The following SHC4 variants were observed in gnomAD, a reference collection of about 807,000 sequenced individuals.
The protein encoded by SHC4 is SHC adaptor protein 4.
In SHC4, 41 loss-of-function variants were observed where a neutral mutation model predicts 69.4. The ratio of observed to expected loss-of-function variants is 0.59; its 90% CI spans 0.46 to 0.77. The LOEUF (loss-of-function observed/expected upper bound fraction) is 0.77, where lower values mean the gene tolerates loss of function less well. Among genes scored for constraint, SHC4 ranks in the 30% least tolerant of loss-of-function variants. The pLI is 0.00. For missense variants in SHC4, 777 were observed against 783.8 expected, an observed-to-expected ratio of 0.99 and a Z score of 0.10; for synonymous variants, 318 against 299.3, an observed-to-expected ratio of 1.06 and a Z score of -0.64.
chr15:48,840,249 C>T (rs1011498247), intron 10 of SHC4, among the ~76,000 whole-genome samples: 8 of 152,062 alleles, frequency 5.3e-5, no homozygotes, highest in East Asian at 1.9e-4. Context: ...GGCGGGGTGG[C>T]GGGGGCAGTA....
At chr15:48,875,787 G>C (rs1026487656) in intron 4 of SHC4, among the ~76,000 whole-genome samples, 2 of 152,176 alleles carry the variant, frequency 1.3e-5, no homozygotes, top group Admixed American at 6.5e-5. Context: ...CACTACTCAG[G>C]TCAAAGAGGT....
intron 1 of SHC4, among the ~76,000 whole-genome samples, chr15:48,945,204 A>C (rs1426691784): frequency 1.3e-5 from 2 of 152,220 alleles, no homozygotes; most frequent in African/African-American, 2.4e-5. Flanking sequence ...AAATCTGATA[A>C]AGTATAAAAA....
intron 1 of SHC4, among the ~76,000 whole-genome samples, chr15:48,954,218 A>G (rs1595769225): frequency 6.6e-6 from 1 of 151,872 alleles, no homozygotes; most frequent in South Asian, 2.1e-4. Flanking sequence ...AGTAGCATTC[A>G]CCTCCCCTCC....
At chr15:48,852,233 C>T (rs1014189368) in intron 8 of SHC4, among the ~76,000 whole-genome samples, 2 of 152,020 alleles carry the variant, frequency 1.3e-5, no homozygotes, top group African/African-American at 2.4e-5. Flanking sequence ...AAGATAAAGG[C>T]CAAGGGTAGA....
At chr15:48,933,235 A>G (rs1901004432) in intron 1 of SHC4, among the ~76,000 whole-genome samples, 1 of 152,220 alleles carries the variant, frequency 6.6e-6, no homozygotes. Context: ...GAGGTCAGAA[A>G]TCAGACTTTA....
At chr15:48,908,754 C>T (rs1423965182) in intron 2 of SHC4, among the ~76,000 whole-genome samples, 2 of 152,206 alleles carry the variant, frequency 1.3e-5, no homozygotes, top group Non-Finnish European at 1.5e-5. Flanking sequence ...GATCCAGTTT[C>T]ATTCTCCTAC....
At chr15:48,878,619 A>G (rs771914211) in intron 4 of SHC4, 1 of 1,613,972 alleles carries the variant, frequency 6.2e-7, no homozygotes, top group Non-Finnish European at 8.5e-7. Flanking sequence ...GGCGGGTTTC[A>G]GATGCATTAT....
chr15:48,855,911 G>A (rs749408835), intron 8 of SHC4, 42 bp downstream of exon 8: 7 of 1,570,798 alleles, frequency 4.5e-6, no homozygotes, highest in Middle Eastern at 1.7e-4. Context: ...GATAAGGGCA[G>A]AATTGCATTG....
At chr15:48,833,468 G>C (rs1898842913) in intron 11 of SHC4, among the ~76,000 whole-genome samples, 1 of 152,138 alleles carries the variant, frequency 6.6e-6, no homozygotes, top group South Asian at 2.1e-4. Flanking sequence ...TGGTTTATCA[G>C]GTATCCCTCC....
In SHC4 at chr15:48,895,564, G is replaced by T. The variant is rs548730746; in HGVS notation, c.657-4753C>A. On this transcript the variant is annotated intron_variant, in intron 2 of 11. Coordinates refer to ENST00000332408, the MANE Select transcript of SHC4 (RefSeq NM_203349.4). The stretch of plus-strand genomic sequence containing the variant: ...ACTCGGATGCCCCTGCCCTTCCCCA[G>T]CCCTCTGCTGTCTATGGCTGGCTGC... 2.0e-5 allele frequency among the ~76,000 whole-genome samples: 3 copies of T among 152,204 alleles called. No individual in the cohort carries two copies. In the East Asian group the frequency reaches 5.9e-4, roughly 30 times the overall value.
rs144739812 is a variant in SHC4, at chr15:48,856,113, T to C, written c.1082A>G (p.His361Arg). ...TCTCTCCTCGGCATGGCTATCAATATGCACCTCCTCACTGTGAAGGAAAAA... is the reference window on the plus strand; with the variant it reads ...TCTCTCCTCGGCATGGCTATCAATACGCACCTCCTCACTGTGAAGGAAAAA... Reference protein sequence around the residue: ...LNTSCESEEVHIDSHAEERED... With the variant: ...LNTSCESEEVRIDSHAEERED... Residue 361 changes from histidine to arginine, a missense_variant, in exon 8 of 12, where the codon CAT (histidine) becomes CGT (arginine). Coordinates refer to ENST00000332408, the MANE Select transcript of SHC4 (RefSeq NM_203349.4). 2.3e-4 allele frequency: 363 copies of C among 1,613,204 alleles called. 1 individual carries two copies. The African/African-American group carries it at 4.3e-3, about 19-fold the overall frequency.
intron 4 of SHC4, among the ~76,000 whole-genome samples, chr15:48,882,124 T>A (rs1219883696): frequency 6.6e-6 from 1 of 152,206 alleles, no homozygotes; most frequent in Non-Finnish European, 1.5e-5. Flanking sequence ...CCTTTTCTTG[T>A]GCTGTATCCA....
At position 48,916,559 on chromosome 15, in the gene SHC4, C is replaced by CAAAA. The variant is rs35709723; in HGVS notation, c.656+8316_656+8319dup. Reference sequence around the variant, plus strand: ...CTCCTTACTGTCTATAGCATCAGTTCAAAAAAAAAAAAAAACACTACTCAG... The same window carrying CAAAA: ...CTCCTTACTGTCTATAGCATCAGTTCAAAAAAAAAAAAAAAAAAACACTACTCAG... On this transcript the variant is annotated intron_variant, in intron 2 of 11. Coordinates refer to ENST00000332408, the MANE Select transcript of SHC4 (RefSeq NM_203349.4). Among the ~76,000 whole-genome samples, 14 of 136,862 alleles carry CAAAA rather than the reference C, an allele frequency of 1.0e-4. No homozygotes were observed. In the East Asian group the frequency reaches 1.3e-3, roughly 12 times the overall value. 89.8% of individuals were successfully genotyped at this position (136,862 alleles called of 152,430 possible).
At position 48,843,576 on chromosome 15, in the gene SHC4, G is replaced by A. The variant is rs2140973457; in HGVS notation, c.1316C>T (p.Pro439Leu). 6.2e-7 allele frequency: 1 copy of A among 1,613,814 alleles called. No homozygotes were observed. Among genetic ancestry groups the A allele is most frequent in the African/African-American group, 1.3e-5 (1 of 74,998 alleles). ...EQSRAIGNVH[P>L]RGVQSQRDTS... is the part of the protein sequence containing the mutation. ...ATCTCGCTGGGACTGCACCCCTCTT[G>A]GATGGACATTACCTGTAGTGATTAG... is the stretch of plus-strand genomic sequence containing the variant. Residue 439 changes from proline (P) to leucine (L), a missense_variant, in exon 10 of 12, where the codon CCA becomes CTA. Coordinates refer to ENST00000332408, the MANE Select transcript of SHC4 (RefSeq NM_203349.4).
chr15:48,847,713 C>G (rs185781574), intron 9 of SHC4, among the ~76,000 whole-genome samples: 1 of 152,212 alleles, frequency 6.6e-6, no homozygotes, highest in Admixed American at 6.5e-5. Flanking sequence ...AAAACATATG[C>G]CCAAGTAGGC....
intron 2 of SHC4, among the ~76,000 whole-genome samples, chr15:48,915,047 A>ATTG (rs1231606967): frequency 3.3e-5 from 5 of 152,204 alleles, no homozygotes; most frequent in African/African-American, 9.7e-5. Context: ...TCCTCTGCCC[A>ATTG]TTGTTTCAAT....
chr15:48,926,806 G>A (rs560926270), intron 1 of SHC4, among the ~76,000 whole-genome samples: 1 of 152,140 alleles, frequency 6.6e-6, no homozygotes, highest in Non-Finnish European at 1.5e-5. Flanking sequence ...AGAACTCCTT[G>A]ATGCACCGAG....
At chr15:48,935,129 T>A (rs997179058) in intron 1 of SHC4, among the ~76,000 whole-genome samples, 3 of 152,160 alleles carry the variant, frequency 2.0e-5, no homozygotes, top group African/African-American at 7.2e-5. Flanking sequence ...ACAAAAGGAA[T>A]CCAAACAAGC....
Position 48,843,433 on chromosome 15 carries a change from G to C in SHC4, c.1459C>G (p.Leu487Val), listed in dbSNP as rs1369721617. Residue 487 changes from leucine (L) to valine (V), a missense_variant, in exon 10 of 12, where the codon CTG becomes GTG. Leu to Val is a conservative substitution (Grantham distance 32). Coordinates refer to ENST00000332408, the MANE Select transcript of SHC4 (RefSeq NM_203349.4). ...SAGNQRSAQP[L>V]GSPWHCGKAP... The stretch of plus-strand genomic sequence containing the variant: ...CTTCCGCAGTGCCATGGGCTCCCCA[G>C]TGGTTGGGCTGACCTTTGATTTCCA... 1 of 1,613,510 alleles carries C rather than the reference G, an allele frequency of 6.2e-7. No individual in the cohort carries two copies. The highest frequency in any genetic ancestry group is 8.5e-7 in the Non-Finnish European group (1 of 1,179,654).
Sources: allele counts gnomAD v4.1 joint callset (sites outside exome capture counted in the v4.1 genomes callset), GRCh38; gene constraint gnomAD v4.1.1; transcripts MANE v1.5; gene names NCBI Gene and HGNC (gene_info 2026-07-23, HGNC 2026-07-21).